The following WWOX variants were observed in gnomAD, a reference collection of about 807,000 sequenced individuals.
WWOX encodes WW domain-containing oxidoreductase.
A neutral mutation model predicts 46.2 loss-of-function variants in WWOX; 69 were observed. The observed-to-expected ratio is 1.49, with a 90% CI of 1.23 to 1.82. The LOEUF (loss-of-function observed/expected upper bound fraction) is 1.82, where lower values mean the gene tolerates loss of function less well. Among genes scored for constraint, WWOX ranks in the 40% most tolerant of loss-of-function variants. WWOX has a pLI of 0.00. For missense variants in WWOX, 919 were observed against 542.6 expected (o/e 1.69, Z -6.89); for synonymous variants, 359 against 202.6 (o/e 1.77, Z -6.56).
chr16:78,771,033 G>A (rs548927009), intron 8 of WWOX, among the ~76,000 whole-genome samples: 1 of 152,240 alleles, frequency 6.6e-6, no homozygotes, highest in Non-Finnish European at 1.5e-5. Flanking sequence ...ATTCTAGGCA[G>A]AAGGAACCGC....
At chr16:78,596,522 A>T (rs1110137) in intron 8 of WWOX, among the ~76,000 whole-genome samples, 70,825 of 151,968 alleles carry the variant, frequency 0.47, 19,025 homozygotes, top group Non-Finnish European at 0.59. Flanking sequence ...GGTTGGCGAG[A>T]TCGTGACAGG....
chr16:78,123,440 G>GTTTTGTTTTGTTTT (rs1567584444), intron 4 of WWOX: 40 of 50,472 alleles, frequency 7.9e-4, no homozygotes, highest in Admixed American at 2.7e-3. Flanking sequence ...TTTTTGTTTT[G>GTTTTGTTTTGTTTT]TTTTTTTTTT....
chr16:78,187,400 C>T (rs997447470), intron 5 of WWOX, among the ~76,000 whole-genome samples: 1 of 152,104 alleles, frequency 6.6e-6, no homozygotes, highest in South Asian at 2.1e-4. Flanking sequence ...CACTTGAGGT[C>T]GGGAGTTCTA....
At chr16:78,407,860 A>G (rs868845998) in intron 6 of WWOX, among the ~76,000 whole-genome samples, 4 of 152,200 alleles carry the variant, frequency 2.6e-5, no homozygotes, top group Admixed American at 6.5e-5. Flanking sequence ...CGCACTTCCT[A>G]TGGACATTGA....
At chr16:78,839,826 C>A (rs554231981) in intron 8 of WWOX, among the ~76,000 whole-genome samples, 6 of 152,154 alleles carry the variant, frequency 3.9e-5, no homozygotes, top group Non-Finnish European at 8.8e-5. Flanking sequence ...GTCTCATCAT[C>A]GTCTAGAGAT....
chr16:78,193,825 A>AAATAAATTTAATAAAATTTAAATT (rs2035959512), intron 5 of WWOX, among the ~76,000 whole-genome samples: 1 of 150,228 alleles, frequency 6.7e-6, no homozygotes, highest in African/African-American at 2.4e-5. Context: ...TTTATTTATT[A>AAATAAATTTAATAAAATTTAAATT]TTATTATTAT....
At chr16:79,170,323 A>G (rs1037512801) in intron 8 of WWOX, among the ~76,000 whole-genome samples, 3 of 152,220 alleles carry the variant, frequency 2.0e-5, no homozygotes, top group South Asian at 2.1e-4. Context: ...TACGTGATCT[A>G]TGCAAGGTCC....
Position 78,344,439 on chromosome 16 carries a change from A to G in WWOX, c.517-42421A>G, listed in dbSNP as rs541138004. Among the ~76,000 whole-genome samples, 17 of 121,950 alleles carry G rather than the reference A, an allele frequency of 1.4e-4. 1 individual carries two copies. The South Asian group carries it at 3.9e-3, about 28-fold the overall frequency. 80.0% of individuals were successfully genotyped at this position (121,950 alleles called of 152,430 possible). On this transcript the variant is annotated intron_variant, in intron 5 of 8. Transcript: ENST00000566780. ...GATTTCCAGCAAGGAAGATGGAATT[A>G]CCACGAGGAACCTGTTCTCTTATGT... is the stretch of plus-strand genomic sequence containing the variant.
intron 5 of WWOX, among the ~76,000 whole-genome samples, chr16:78,300,833 A>G (rs987077972): frequency 2.6e-5 from 4 of 152,110 alleles, no homozygotes; most frequent in Non-Finnish European, 5.9e-5. Context: ...TATAACTTGT[A>G]GGTTGTCAGT....
intron 5 of WWOX, among the ~76,000 whole-genome samples, chr16:78,379,547 A>G (rs536636542): frequency 2.0e-5 from 3 of 152,306 alleles, no homozygotes; most frequent in South Asian, 4.1e-4. Context: ...TTGTGCTGCT[A>G]GATTTGCCAA....
intron 8 of WWOX, among the ~76,000 whole-genome samples, chr16:78,939,407 A>C (rs1329385720): frequency 2.0e-5 from 3 of 152,054 alleles, no homozygotes; most frequent in African/African-American, 7.2e-5. Flanking sequence ...ATTACTTTTG[A>C]TTCTTGGTTC....
At chr16:78,812,541 G>C (rs62036182) in intron 8 of WWOX, among the ~76,000 whole-genome samples, 10,125 of 151,944 alleles carry the variant, frequency 0.067, 370 homozygotes, top group African/African-American at 0.091. Flanking sequence ...GGCCAACATG[G>C]CGAAACTCCT....
At chr16:78,099,936 C>A in intron 1 of WWOX, 51 bp downstream of exon 1, 1 of 1,538,316 alleles carries the variant, frequency 6.5e-7, no homozygotes, top group Non-Finnish European at 8.8e-7. Flanking sequence ...CTGCACAGCC[C>A]ACGGACGCCA....
At chr16:79,052,557 A>G (rs1374477206) in intron 8 of WWOX, among the ~76,000 whole-genome samples, 1 of 152,224 alleles carries the variant, frequency 6.6e-6, no homozygotes, top group African/African-American at 2.4e-5. Flanking sequence ...GGTAGACTGG[A>G]TTAAGAAAAT....
intron 5 of WWOX, among the ~76,000 whole-genome samples, chr16:78,363,318 G>A (rs1224251386): frequency 6.6e-6 from 1 of 151,488 alleles, no homozygotes; most frequent in Non-Finnish European, 1.5e-5. Context: ...ATGTCACCCA[G>A]GCTGCAGTGC....
chr16:78,255,648 T>C (rs1200327580), intron 5 of WWOX, among the ~76,000 whole-genome samples: 2 of 151,988 alleles, frequency 1.3e-5, no homozygotes, highest in Non-Finnish European at 2.9e-5. Flanking sequence ...CTTAGGAAAA[T>C]ACGTACACTT....
chr16:78,271,415 G>A (rs376961048), intron 5 of WWOX, among the ~76,000 whole-genome samples: 3 of 152,184 alleles, frequency 2.0e-5, no homozygotes, highest in African/African-American at 7.2e-5. Context: ...TCCTACAAGC[G>A]TGCTTACCTG....
rs568067086 is a variant in WWOX, at chr16:79,163,691, T to C, written c.1057-47917T>C. ...TGCATGCCTGTAATCCCAGCCACTTTTGAGGCTGAGGCAGGAGAATCACTG... is the reference window on the plus strand; with the variant it reads ...TGCATGCCTGTAATCCCAGCCACTTCTGAGGCTGAGGCAGGAGAATCACTG... On this transcript the variant is annotated intron_variant, in intron 8 of 8. Transcript: ENST00000566780. Among the ~76,000 whole-genome samples, 261 of 151,316 alleles carry C rather than the reference T, an allele frequency of 1.7e-3. 1 individual carries two copies. In the South Asian group the frequency reaches 0.018, roughly 10 times the overall value.
chr16:79,014,736 T>C (rs1334570775), intron 8 of WWOX, among the ~76,000 whole-genome samples: 1 of 152,156 alleles, frequency 6.6e-6, no homozygotes, highest in Non-Finnish European at 1.5e-5. Context: ...CTTTCTGGAG[T>C]GTACACAACT....
Sources: gnomAD v4.1 joint callset for allele counts (sites outside exome capture counted in the v4.1 genomes callset) on GRCh38, gnomAD v4.1.1 for gene constraint, MANE v1.5 for transcripts, NCBI Gene and HGNC (gene_info 2026-07-23, HGNC 2026-07-21) for gene names.